Variants in ANKS1A observed in about 807,000 individuals in gnomAD.
ANKS1A encodes the protein ankyrin repeat and SAM domain-containing protein 1A.
In ANKS1A, 55 loss-of-function variants were observed where a neutral mutation model predicts 120.3. That is an observed-to-expected ratio of 0.46 (90% CI 0.37 to 0.57). ANKS1A has a LOEUF of 0.57. ANKS1A is among the 20% of genes least tolerant of loss of function. The pLI is 0.00. For missense variants in ANKS1A, 1,123 were observed against 1,480.3 expected (o/e 0.76, Z 3.96); for synonymous variants, 590 against 604.7 (o/e 0.98, Z 0.36).
intron 15 of ANKS1A, 56 bp from the exon 16 acceptor site, chr6:35,079,765 G>A (rs1362788288): frequency 3.7e-5 from 60 of 1,607,396 alleles, no homozygotes; most frequent in East Asian, 2.0e-4. Flanking sequence ...GGGCTGGAGC[G>A]GACTGTGAGT....
intron 12 of ANKS1A, among the ~76,000 whole-genome samples, chr6:35,054,437 G>C (rs758265210): frequency 2.2e-4 from 34 of 152,152 alleles, no homozygotes; most frequent in Non-Finnish European, 4.0e-4. Flanking sequence ...ATCAACAATC[G>C]TAACTTATTC....
intron 1 of ANKS1A, among the ~76,000 whole-genome samples, chr6:34,891,906 C>T (rs888420701): frequency 2.0e-5 from 3 of 152,224 alleles, no homozygotes; most frequent in Non-Finnish European, 4.4e-5. Flanking sequence ...GGATTACAGG[C>T]GTGAGCCACC....
Position 35,082,610 on chromosome 6 carries a change from T to C in ANKS1A, c.2710-81T>C. ...GCTAAGGTCACTGGCATCTTCACCC[T>C]TGAGTGTGCTGGAGCCAGGCAGCAA... On this transcript the variant is annotated intron_variant, in intron 17 of 23. Coordinates refer to ENST00000360359, the MANE Select transcript of ANKS1A (RefSeq NM_015245.3). The surrounding 1 kb of genome is among the most constrained non-coding windows in gnomAD (Gnocchi z 4.1). 2.7e-6 allele frequency: 4 copies of C among 1,508,476 alleles called. No homozygotes were observed. Among genetic ancestry groups the C allele is most frequent in the South Asian group, 1.3e-5 (1 of 76,188 alleles). 93.4% of individuals were successfully genotyped at this position (1,508,476 alleles called of 1,614,324 possible).
In ANKS1A at chr6:35,077,152, A is replaced by G. The variant is rs933522355; in HGVS notation, c.2185-1406A>G. ...GGATCTAGCACTGGCGTCACTAAGAAGAGCAGAAAGAGCTGTCAGTGTTAA... is the reference window on the plus strand; with the variant it reads ...GGATCTAGCACTGGCGTCACTAAGAGGAGCAGAAAGAGCTGTCAGTGTTAA... On this transcript the variant is annotated intron_variant, in intron 13 of 23. Transcript: ENST00000360359. 5.9e-5 allele frequency among the ~76,000 whole-genome samples: 9 copies of G among 152,300 alleles called. No homozygotes were observed. The East Asian group carries it at 1.7e-3, about 29-fold the overall frequency.
At chr6:34,900,449 C>G (rs890156446) in intron 1 of ANKS1A, among the ~76,000 whole-genome samples, 5 of 148,132 alleles carry the variant, frequency 3.4e-5, no homozygotes, top group African/African-American at 1.3e-4. Flanking sequence ...ACAACTCTCT[C>G]TGTTTTTTTT....
intron 11 of ANKS1A, among the ~76,000 whole-genome samples, chr6:35,045,879 A>G (rs1775697338): frequency 6.6e-6 from 1 of 152,148 alleles, no homozygotes; most frequent in Non-Finnish European, 1.5e-5. Context: ...GAGTTTTCAC[A>G]TTGTTGAACA....
At chr6:35,066,454 G>A (rs1045438850) in intron 13 of ANKS1A, among the ~76,000 whole-genome samples, 1 of 152,154 alleles carries the variant, frequency 6.6e-6, no homozygotes, top group Non-Finnish European at 1.5e-5. Context: ...CAAAGAGGAA[G>A]GTGTTTCAGG....
Position 34,982,582 on chromosome 6 carries a change from A to G in ANKS1A, c.733-170A>G, listed in dbSNP as rs1771958450. 6.6e-6 allele frequency among the ~76,000 whole-genome samples: 1 copy of G among 152,324 alleles called. No homozygotes were observed. The highest frequency in any genetic ancestry group is 2.4e-5 in the African/African-American group (1 of 41,578). On this transcript the variant is annotated intron_variant, in intron 4 of 23. Transcript: ENST00000360359. This position sits in a 1 kb window ranked among gnomAD's most constrained non-coding sequence, Gnocchi z 4.9. ...ACAGAATGGCCTTGGTGTATGGGCC[A>G]TGATCGTGGTTTTGGAATCCACACA...
rs1769727145 is a variant in ANKS1A at position 34,945,160 on chromosome 6, TG to T, written c.198-22078del. 3.9e-5 allele frequency among the ~76,000 whole-genome samples: 6 copies of T among 152,130 alleles called. No homozygotes were observed. In the South Asian group the frequency reaches 1.0e-3, roughly 26 times the overall value. ...GGGAGAACACAGCTTACTGCAGCCTTGACCTCCCAGGCTCAAGTGATTCTTC... is the reference window on the plus strand; with the variant it reads ...GGGAGAACACAGCTTACTGCAGCCTTACCTCCCAGGCTCAAGTGATTCTTC... On this transcript the variant is annotated intron_variant, in intron 1 of 23. Coordinates refer to ENST00000360359, the MANE Select transcript of ANKS1A (RefSeq NM_015245.3).
At chr6:35,022,542 A>G (rs1774398377) in intron 11 of ANKS1A, among the ~76,000 whole-genome samples, 1 of 152,240 alleles carries the variant, frequency 6.6e-6, no homozygotes. Context: ...AAGAAGTCAT[A>G]GAGTTTGCCT....
chr6:34,924,412 A>T (rs1015693444), intron 1 of ANKS1A, among the ~76,000 whole-genome samples: 6 of 152,150 alleles, frequency 3.9e-5, no homozygotes, highest in Non-Finnish European at 7.4e-5. Context: ...CCTTCCAAAA[A>T]GTTTCTACAA....
At chr6:34,937,913 A>G (rs549603756) in intron 1 of ANKS1A, among the ~76,000 whole-genome samples, 6 of 152,308 alleles carry the variant, frequency 3.9e-5, no homozygotes, top group South Asian at 2.1e-4. Flanking sequence ...GGTCTGATTT[A>G]TATCATGGAC....
intron 3 of ANKS1A, among the ~76,000 whole-genome samples, chr6:34,976,717 T>G (rs1356081699): frequency 6.6e-6 from 1 of 152,150 alleles, no homozygotes; most frequent in African/African-American, 2.4e-5. Context: ...TGGTACACTC[T>G]TCTTGATACT....
rs1460297254 is a variant in ANKS1A, at chr6:34,982,901, G to A, written c.808+74G>A. On this transcript the variant is annotated intron_variant, in intron 5 of 23. Transcript: ENST00000360359. The surrounding 1 kb of genome is among the most constrained non-coding windows in gnomAD (Gnocchi z 4.9). ...TTGTTTCTCCCTAGTCCCCTAGGGG[G>A]ATTTTTGCTGGCTGTGTTTGAACTC... 3 of 1,585,386 alleles carry A rather than the reference G, an allele frequency of 1.9e-6. No individual in the cohort carries two copies. Among genetic ancestry groups the A allele is most frequent in the Non-Finnish European group, 2.6e-6 (3 of 1,155,110 alleles).
intron 10 of ANKS1A, among the ~76,000 whole-genome samples, chr6:35,003,095 C>T (rs913087057): frequency 1.3e-5 from 2 of 151,592 alleles, no homozygotes; most frequent in South Asian, 2.1e-4. Flanking sequence ...TAAAAACAGG[C>T]GAACTCCTAG....
At position 35,029,190 on chromosome 6, in the gene ANKS1A, T is replaced by C. The variant is rs190705606; in HGVS notation, c.2010+11131T>C. ...AACGTTGTTATTGAATTGATCTCTT[T>C]GTTACTAATTTGTAGAAGCTCTTTG... On this transcript the variant is annotated intron_variant, in intron 11 of 23. Coordinates refer to ENST00000360359, the MANE Select transcript of ANKS1A (RefSeq NM_015245.3). 5.3e-5 allele frequency among the ~76,000 whole-genome samples: 8 copies of C among 152,270 alleles called. No individual in the cohort carries two copies. The East Asian group carries it at 1.5e-3, about 29-fold the overall frequency.
intron 1 of ANKS1A, among the ~76,000 whole-genome samples, chr6:34,949,740 C>T (rs1321533400): frequency 6.6e-6 from 1 of 152,156 alleles, no homozygotes; most frequent in Non-Finnish European, 1.5e-5. Flanking sequence ...AAAGTCCACT[C>T]GCCTTTGAAA....
intron 10 of ANKS1A, among the ~76,000 whole-genome samples, chr6:34,998,566 A>C (rs1219992825): frequency 6.6e-6 from 1 of 152,122 alleles, no homozygotes; most frequent in African/African-American, 2.4e-5. Flanking sequence ...AGATTATAGA[A>C]AGACATTGTA....
In ANKS1A at chr6:34,957,927, G is replaced by A. The variant is rs753206252; in HGVS notation, c.198-9312G>A. On this transcript the variant is annotated intron_variant, in intron 1 of 23. Transcript: ENST00000360359. ...TTCTTACCTGTAAAATGGAAATACC[G>A]GTATCTGTTTTCCTTCTTGATAGTA... Among the ~76,000 whole-genome samples the A allele has an allele frequency of 3.3e-5, 5 of 152,268 alleles. No individual in the cohort carries two copies. In the South Asian group the frequency reaches 1.0e-3, roughly 32 times the overall value.
Sources: gnomAD v4.1 joint callset for allele counts (sites outside exome capture counted in the v4.1 genomes callset) on GRCh38, gnomAD v4.1.1 for gene constraint, Gnocchi (gnomAD v3.1) non-coding constraint, MANE v1.5 for transcripts, NCBI Gene and HGNC (gene_info 2026-07-23, HGNC 2026-07-21) for gene names.